Variants in LRRC37A2 observed in about 807,000 individuals in gnomAD.
LRRC37A2 encodes the protein leucine-rich repeat-containing protein 37A2.
A neutral mutation model predicts 68.8 loss-of-function variants in LRRC37A2; 9 were observed. The ratio of observed to expected loss-of-function variants is 0.13; its 90% CI spans 0.08 to 0.23. The LOEUF is 0.23. Among genes scored for constraint, LRRC37A2 ranks in the 10% least tolerant of loss-of-function variants. LRRC37A2 has a pLI of 1.00. For synonymous variants in LRRC37A2, 63 were observed against 367.6 expected, an observed-to-expected ratio of 0.17 and a Z score of 9.48; for missense variants, 168 against 950.4, an observed-to-expected ratio of 0.18 and a Z score of 10.82.
the LRRC37A2 span, among the ~76,000 whole-genome samples, chr17:46,609,585 TA>T: frequency 6.8e-6 from 1 of 147,890 alleles, no homozygotes; most frequent in African/African-American, 2.5e-5. Flanking sequence ...TTCTAAATAA[TA>T]AAATATGTAA....
the LRRC37A2 span, among the ~76,000 whole-genome samples, chr17:47,025,398 TC>T: frequency 1.3e-5 from 2 of 152,148 alleles, no homozygotes; most frequent in African/African-American, 4.8e-5. Context: ...ATATTAAAAA[TC>T]AGCTGAATTA....
the LRRC37A2 span, chr17:46,872,758 G>A: frequency 6.2e-7 from 1 of 1,607,976 alleles, no homozygotes; most frequent in Non-Finnish European, 8.5e-7. Flanking sequence ...GGGCAGGATG[G>A]GCCTGCTCAA....
the LRRC37A2 span, among the ~76,000 whole-genome samples, chr17:46,714,605 C>G: frequency 6.6e-6 from 1 of 152,240 alleles, no homozygotes; most frequent in East Asian, 1.9e-4. Context: ...ACCATTTGGT[C>G]CATCTCTCTT....
At chr17:46,935,535 C>T in the LRRC37A2 span, 33 of 1,248,806 alleles carry the variant, frequency 2.6e-5, no homozygotes, top group African/African-American at 6.1e-5. Flanking sequence ...TTTGGTACCT[C>T]GCTTTAAGGT....
the LRRC37A2 span, chr17:46,721,795 A>G: frequency 6.2e-6 from 10 of 1,602,180 alleles, no homozygotes; most frequent in Non-Finnish European, 1.7e-6. Flanking sequence ...CATCGTGCAC[A>G]GCTGTCAGAG....
the LRRC37A2 span, among the ~76,000 whole-genome samples, chr17:46,695,221 G>A: frequency 7.1e-6 from 1 of 140,086 alleles, no homozygotes; most frequent in Non-Finnish European, 1.5e-5. Flanking sequence ...ACTCCAGCCT[G>A]GGTGACAGAG....
the LRRC37A2 span, among the ~76,000 whole-genome samples, chr17:46,819,644 C>T: frequency 2.6e-5 from 4 of 152,352 alleles, 1 homozygote; most frequent in South Asian, 6.2e-4. The surrounding 1 kb of genome is among the most constrained non-coding windows in gnomAD (Gnocchi z 5.3). Context: ...GCCCGACCGT[C>T]CCGCCTGAGG....
At chr17:46,763,851 AAAAC>A in the LRRC37A2 span, 9 of 150,064 alleles carry the variant, frequency 6.0e-5, no homozygotes, top group African/African-American at 2.0e-4. Context: ...AAAAAACAAA[AAAAC>A]AAAAAAAAAA....
At chr17:46,530,159 T>A (rs1390546558) in intron 6 of LRRC37A2, among the ~76,000 whole-genome samples, 1 of 135,288 alleles carries the variant, frequency 7.4e-6, no homozygotes, top group East Asian at 3.9e-4. Context: ...CCCAAAGTGC[T>A]GAGATTACAG....
the LRRC37A2 span, chr17:46,923,296 C>G: frequency 6.5e-7 from 1 of 1,548,466 alleles, no homozygotes; most frequent in South Asian, 1.2e-5. Flanking sequence ...GGGCTGAGGC[C>G]TCGGACGTCA....
chr17:46,940,985 C>A, the LRRC37A2 span: 1 of 1,182,314 alleles, frequency 8.5e-7, no homozygotes, highest in South Asian at 1.9e-5. Context: ...AGGGTCCAGG[C>A]CAGGGAAGGA....
the LRRC37A2 span, chr17:46,756,961 A>G: frequency 6.6e-6 from 1 of 152,414 alleles, no homozygotes. Flanking sequence ...TAATTAGGTC[A>G]TATTTGGTGA....
the LRRC37A2 span, among the ~76,000 whole-genome samples, chr17:46,898,723 G>A: frequency 6.6e-6 from 1 of 152,224 alleles, no homozygotes; most frequent in African/African-American, 2.4e-5. Context: ...CAGAGAGTCA[G>A]ACAATTGCAT....
At chr17:46,894,356 G>A in the LRRC37A2 span, among the ~76,000 whole-genome samples, 1 of 152,112 alleles carries the variant, frequency 6.6e-6, no homozygotes, top group Non-Finnish European at 1.5e-5. Flanking sequence ...TAACAAGGGG[G>A]GTCAGCCTAC....
At chr17:46,966,215 A>C in the LRRC37A2 span, among the ~76,000 whole-genome samples, 1 of 152,272 alleles carries the variant, frequency 6.6e-6, no homozygotes, top group Admixed American at 6.5e-5. Flanking sequence ...ATAATGAGAC[A>C]GAAAAATCAA....
chr17:47,021,821 T>G, the LRRC37A2 span: 2 of 1,380,782 alleles, frequency 1.4e-6, no homozygotes, highest in Non-Finnish European at 2.1e-6. Context: ...TCCTACCTAT[T>G]CAAGGATATA....
the LRRC37A2 span, among the ~76,000 whole-genome samples, chr17:46,502,905 C>T: frequency 1.3e-5 from 2 of 150,740 alleles, no homozygotes; most frequent in East Asian, 3.9e-4. Flanking sequence ...CGTGGTAGCA[C>T]TCAACGTTTA....
the LRRC37A2 span, among the ~76,000 whole-genome samples, chr17:46,778,605 T>C: frequency 6.6e-6 from 1 of 152,090 alleles, no homozygotes; most frequent in Non-Finnish European, 1.5e-5. Flanking sequence ...GCCACTCCTA[T>C]TCCCCATTAT....
At chr17:46,765,207 C>T in the LRRC37A2 span, among the ~76,000 whole-genome samples, 4 of 152,252 alleles carry the variant, frequency 2.6e-5, no homozygotes, top group African/African-American at 9.6e-5. Flanking sequence ...GATAAGACTA[C>T]TTTACAGAGG....
Sources: gnomAD v4.1 joint callset for allele counts (sites outside exome capture counted in the v4.1 genomes callset) on GRCh38, gnomAD v4.1.1 for gene constraint, Gnocchi (gnomAD v3.1) non-coding constraint, MANE v1.5 for transcripts, NCBI Gene and HGNC (gene_info 2026-07-23, HGNC 2026-07-21) for gene names.